LIG1: variants seen among roughly 807,000 people sequenced by gnomAD.
The protein encoded by LIG1 is ligase I, DNA, ATP-dependent.
Under a neutral mutation model 115.7 loss-of-function variants are expected in LIG1, and 70 were observed. The observed-to-expected ratio is 0.60, with a 90% CI of 0.50 to 0.74. The LOEUF is 0.74. Ranked by LOEUF, LIG1 falls within the 30% of genes least tolerant of loss-of-function variation. The pLI, the probability that LIG1 is intolerant of heterozygous loss-of-function variation, is 0.00. For missense variants in LIG1, 1,115 were observed against 1,225.6 expected, an observed-to-expected ratio of 0.91 and a Z score of 1.35; for synonymous variants, 487 against 495.3, an observed-to-expected ratio of 0.98 and a Z score of 0.22.
rs1490276726 is a variant in LIG1, at chr19:48,137,666, C to A, written c.1110G>T (p.Arg370=). Residue 370 remains arginine, a synonymous_variant, in exon 13 of 28, where the codon CGG becomes CGT. Transcript: ENST00000263274. This position sits in a 1 kb window ranked among gnomAD's most constrained non-coding sequence, Gnocchi z 4.3. ...CGTCGCCTTTCTCGGCTGCCTCAGC[C>A]CGGACGGACTCCAGCTGCCGACCTT... ...QATGRQLESV[R]AEAAEKGDVG... is the part of the protein sequence containing the mutation. The A allele has an allele frequency of 7.5e-6, 12 of 1,605,584 alleles. No homozygotes were observed. Among genetic ancestry groups the A allele is most frequent in the Non-Finnish European group, 1.0e-5 (12 of 1,179,278 alleles).
chr19:48,152,109 A>C (rs1189158037), intron 6 of LIG1, among the ~76,000 whole-genome samples: 1 of 152,054 alleles, frequency 6.6e-6, no homozygotes. Flanking sequence ...TGTACTAAAA[A>C]TTGTCAATAA....
At chr19:48,134,169 C>G (rs942541795) in intron 16 of LIG1, 103 bp from the exon 17 acceptor site, 19 of 1,012,428 alleles carry the variant, frequency 1.9e-5, no homozygotes, top group South Asian at 1.8e-4. Flanking sequence ...TCCTGGATGC[C>G]TCTGCCCACT....
chr19:48,129,887 C>G (rs1228155755), intron 19 of LIG1, among the ~76,000 whole-genome samples: 1 of 152,178 alleles, frequency 6.6e-6, no homozygotes, highest in East Asian at 1.9e-4. Flanking sequence ...TCCCAAGTAG[C>G]TGGGACTACA....
chr19:48,130,048 G>A (rs143217953), intron 19 of LIG1, among the ~76,000 whole-genome samples: 3 of 152,328 alleles, frequency 2.0e-5, no homozygotes, highest in Non-Finnish European at 2.9e-5. Context: ...GGGCCACTGC[G>A]CCCAGCGGAA....
intron 1 of LIG1, among the ~76,000 whole-genome samples, chr19:48,165,994 G>A (rs1181352872): frequency 6.6e-6 from 1 of 152,208 alleles, no homozygotes; most frequent in Non-Finnish European, 1.5e-5. Context: ...TTATAAAATT[G>A]TACCCGCTGG....
chr19:48,166,178 C>A (rs1286600151), intron 1 of LIG1, among the ~76,000 whole-genome samples: 26 of 152,190 alleles, frequency 1.7e-4, no homozygotes, highest in Admixed American at 1.7e-3. Context: ...GGGTGGATCA[C>A]TTGAGGTCAG....
In LIG1 at chr19:48,115,737, G is replaced by C; in HGVS notation, c.2677-5C>G. 1 of 1,612,068 alleles carries C rather than the reference G, an allele frequency of 6.2e-7. No homozygotes were observed. ...CTTCCGGTACAAACAGGCCACCTGC[G>C]GAGAGAGGGTGGGACGGGGTGGTCA... On this transcript the variant is annotated splice_polypyrimidine_tract_variant and splice_region_variant and intron_variant, in intron 27 of 27. Coordinates refer to ENST00000263274, the MANE Select transcript of LIG1 (RefSeq NM_000234.3).
intron 11 of LIG1, 61 bp from the exon 12 acceptor site, chr19:48,140,204 G>T: frequency 1.2e-5 from 15 of 1,285,684 alleles, no homozygotes; most frequent in Non-Finnish European, 1.3e-5. Context: ...TGGTGTCGGG[G>T]TGGGGTGGGT....
In LIG1 at chr19:48,121,161, C is replaced by T; in HGVS notation, c.2385+9G>A. ...CCTGCTTCTGCCATCAGCCCCAGTT[C>T]CCCAGGACCTTGCATATGGCCTGCA... On this transcript the variant is annotated intron_variant, in intron 24 of 27. Coordinates refer to ENST00000263274, the MANE Select transcript of LIG1 (RefSeq NM_000234.3). The T allele has an allele frequency of 6.2e-7, 1 of 1,614,064 alleles. No individual in the cohort carries two copies. The highest frequency in any genetic ancestry group is 8.5e-7 in the Non-Finnish European group (1 of 1,180,000).
At chr19:48,148,683 T>C (rs981853760) in intron 9 of LIG1, among the ~76,000 whole-genome samples, 1 of 152,012 alleles carries the variant, frequency 6.6e-6, no homozygotes, top group Non-Finnish European at 1.5e-5. Context: ...GGTGACCTCA[T>C]TACTTTATAG....
chr19:48,151,271 C>A lies in LIG1; in HGVS notation c.535G>T (p.Asp179Tyr), dbSNP rs1458736352. The change falls in exon 7 of 28, where the codon GAC (aspartate) becomes TAC (tyrosine). Residue 179 changes from aspartate (D) to tyrosine (Y), a missense_variant. Coordinates refer to ENST00000263274, the MANE Select transcript of LIG1 (RefSeq NM_000234.3). ...VATEKEGEDG[D>Y]QPTTPPKPLK... is the part of the protein sequence containing the mutation. Reference sequence around the variant, plus strand: ...GGCTTGGGAGGCGTGGTGGGCTGGTCCCCGTCTTCTCCTTCCTTCTCTGTG... The same window carrying A: ...GGCTTGGGAGGCGTGGTGGGCTGGTACCCGTCTTCTCCTTCCTTCTCTGTG... 1.2e-5 allele frequency: 20 copies of A among 1,613,686 alleles called. No individual in the cohort carries two copies. Among genetic ancestry groups the A allele is most frequent in the Non-Finnish European group, 1.7e-5 (20 of 1,179,778 alleles).
chr19:48,161,339 C>A (rs1201200952), intron 4 of LIG1, 33 bp downstream of exon 4: 3 of 1,613,978 alleles, frequency 1.9e-6, no homozygotes, highest in African/African-American at 2.7e-5. Context: ...TTAGTTTCTT[C>A]TGGTAAAAAT....
chr19:48,132,487 GGTAGTTAA>G (rs1398180682), intron 18 of LIG1, among the ~76,000 whole-genome samples: 1 of 151,998 alleles, frequency 6.6e-6, no homozygotes, highest in African/African-American at 2.4e-5. Context: ...AAGCTGGTGA[GGTAGTTAA>G]GACCACACCC....
intron 1 of LIG1, among the ~76,000 whole-genome samples, chr19:48,166,115 G>C (rs1055864744): frequency 6.6e-6 from 1 of 152,212 alleles, no homozygotes; most frequent in Non-Finnish European, 1.5e-5. Flanking sequence ...AAAGGCTATA[G>C]GTCAGGCACA....
In LIG1 at chr19:48,140,103, C is replaced by A. The variant is rs750430578; in HGVS notation, c.955G>T (p.Val319Leu). ...AGGTCTGGAGGCGACAGGGCCACCA[C>A]GGAGCGCAGCAAGTTGCTCAGCGTC... ...VETLSNLLRS[V>L]VALSPPDLLP... Residue 319 changes from valine (V) to leucine (L), a missense_variant, in exon 12 of 28, where the codon GTG becomes TTG. Physicochemically the swap from Val to Leu is conservative, Grantham distance 32 (BLOSUM62 1). Transcript: ENST00000263274. 2 of 1,613,426 alleles carry A rather than the reference C, an allele frequency of 1.2e-6. No individual in the cohort carries two copies. The highest frequency in any genetic ancestry group is 2.7e-5 in the African/African-American group (2 of 74,896).
intron 4 of LIG1, among the ~76,000 whole-genome samples, chr19:48,160,745 T>A (rs1235691158): frequency 6.6e-6 from 1 of 152,002 alleles, no homozygotes; most frequent in East Asian, 1.9e-4. Flanking sequence ...TTGCTTTTTT[T>A]TTTTTGAAGC....
rs760597237 is a variant in LIG1 at position 48,121,155 on chromosome 19, CCA to C, written c.2385+13_2385+14del. 8 of 1,614,024 alleles carry C rather than the reference CCA, an allele frequency of 5.0e-6. No homozygotes were observed. Among genetic ancestry groups the C allele is most frequent in the Admixed American group, 1.7e-5 (1 of 60,002 alleles). ...TTCCCTCCTGCTTCTGCCATCAGCCCCAGTTCCCCAGGACCTTGCATATGGCC... is the reference window on the plus strand; with the variant it reads ...TTCCCTCCTGCTTCTGCCATCAGCCCGTTCCCCAGGACCTTGCATATGGCC... On this transcript the variant is annotated intron_variant, in intron 24 of 27. Coordinates refer to ENST00000263274, the MANE Select transcript of LIG1 (RefSeq NM_000234.3).
chr19:48,135,574 C>T, intron 16 of LIG1, 106 bp downstream of exon 16: 1 of 891,142 alleles, frequency 1.1e-6, no homozygotes. Context: ...ACTCGTGATG[C>T]CTGTCCGTCA....
chr19:48,126,004 AAAG>A lies in LIG1; in HGVS notation c.2004+1270_2004+1272del, dbSNP rs200170736. ...CTCCATCTCAAAAAAAAAAAAAAAA[AAAG>A]ATTATCTGGGATATTGATGATTGCA... On this transcript the variant is annotated intron_variant, in intron 21 of 27. Coordinates refer to ENST00000263274, the MANE Select transcript of LIG1 (RefSeq NM_000234.3). Among the ~76,000 whole-genome samples the A allele has an allele frequency of 9.2e-3, 1,399 of 151,766 alleles. 25 individuals are homozygous for A. Among genetic ancestry groups the A allele is most frequent in the African/African-American group, 0.031 (1,296 of 41,318 alleles).
Sources: gnomAD v4.1 joint callset for allele counts (sites outside exome capture counted in the v4.1 genomes callset) on GRCh38, gnomAD v4.1.1 for gene constraint, Gnocchi (gnomAD v3.1) non-coding constraint, MANE v1.5 for transcripts, NCBI Gene and HGNC (gene_info 2026-07-23, HGNC 2026-07-21) for gene names.